LRRTM4: variants seen among roughly 807,000 people sequenced by gnomAD.
LRRTM4 encodes the protein leucine-rich repeat transmembrane neuronal protein 4.
LRRTM4 carries 25 observed loss-of-function variants against 47.6 expected under a neutral mutation model. That is an observed-to-expected ratio of 0.53 (90% CI 0.38 to 0.73). The LOEUF (loss-of-function observed/expected upper bound fraction) is 0.73, where lower values mean the gene tolerates loss of function less well. Among genes scored for constraint, LRRTM4 ranks in the 30% least tolerant of loss-of-function variants. The pLI is 0.00. For missense variants in LRRTM4, 638 were observed against 713.4 expected (o/e 0.89, Z 1.20); for synonymous variants, 311 against 269.5 (o/e 1.15, Z -1.51).
At chr2:77,460,584 G>T (rs1298551975) in intron 3 of LRRTM4, among the ~76,000 whole-genome samples, 5 of 152,040 alleles carry the variant, frequency 3.3e-5, no homozygotes, top group Non-Finnish European at 7.4e-5. Flanking sequence ...TGATCTATAT[G>T]GTTCATTGAC....
chr2:77,107,795 G>C (rs190695080), intron 3 of LRRTM4, among the ~76,000 whole-genome samples: 6 of 123,418 alleles, frequency 4.9e-5, no homozygotes, highest in South Asian at 2.5e-4. Flanking sequence ...TCCAGTCTGG[G>C]CAACAAGAGT....
intron 3 of LRRTM4, among the ~76,000 whole-genome samples, chr2:77,356,824 T>C (rs1209684581): frequency 6.6e-6 from 1 of 152,176 alleles, no homozygotes; most frequent in Non-Finnish European, 1.5e-5. Context: ...GTGTCGGTTT[T>C]CCTATATGCA....
intron 3 of LRRTM4, among the ~76,000 whole-genome samples, chr2:76,775,323 T>G (rs760610392): frequency 1.3e-5 from 2 of 152,146 alleles, no homozygotes; most frequent in Non-Finnish European, 2.9e-5. Context: ...TAGTACCATG[T>G]GTAATGAGTC....
At chr2:76,974,213 C>CATACAT (rs1676333833) in intron 3 of LRRTM4, among the ~76,000 whole-genome samples, 1 of 126,436 alleles carries the variant, frequency 7.9e-6, no homozygotes, top group Non-Finnish European at 1.6e-5. Context: ...TATATATACA[C>CATACAT]ATATATATAC....
intron 3 of LRRTM4, among the ~76,000 whole-genome samples, chr2:77,317,156 AT>A (rs1677642361): frequency 2.0e-5 from 3 of 152,196 alleles, no homozygotes. Flanking sequence ...AAAAAGTTAA[AT>A]AGCTTATATA....
chr2:77,349,338 A>G (rs1341591792), intron 3 of LRRTM4, among the ~76,000 whole-genome samples: 1 of 152,056 alleles, frequency 6.6e-6, no homozygotes, highest in African/African-American at 2.4e-5. Context: ...CAACAATAAA[A>G]AAAAAACCTA....
chr2:76,772,458 T>A (rs79247333), intron 3 of LRRTM4, among the ~76,000 whole-genome samples: 2,050 of 152,276 alleles, frequency 0.013, 53 homozygotes, highest in African/African-American at 0.046. Context: ...AAGTTGGTAG[T>A]CTAGTACTAA....
chr2:77,359,609 A>T (rs545895214), intron 3 of LRRTM4, among the ~76,000 whole-genome samples: 1 of 152,340 alleles, frequency 6.6e-6, no homozygotes, highest in South Asian at 2.1e-4. Flanking sequence ...AAGGTTTTTC[A>T]GTCCTTCTGC....
intron 3 of LRRTM4, among the ~76,000 whole-genome samples, chr2:77,232,601 T>C (rs1435567913): frequency 6.6e-6 from 1 of 152,194 alleles, no homozygotes; most frequent in Non-Finnish European, 1.5e-5. Context: ...ACTTCTTTGC[T>C]CTGGTTATGA....
chr2:77,444,999 TAGAA>T (rs1675996000), intron 3 of LRRTM4, among the ~76,000 whole-genome samples: 1 of 144,642 alleles, frequency 6.9e-6, no homozygotes, highest in Non-Finnish European at 1.5e-5. Flanking sequence ...AACACTAAAT[TAGAA>T]AGCATAAATT....
At chr2:77,200,961 GA>G (rs1342444914) in intron 3 of LRRTM4, among the ~76,000 whole-genome samples, 1 of 152,084 alleles carries the variant, frequency 6.6e-6, no homozygotes, top group Non-Finnish European at 1.5e-5. Context: ...TGTGTGCCTA[GA>G]ATAGAAAACC....
At chr2:76,944,184 A>G (rs577540671) in intron 3 of LRRTM4, among the ~76,000 whole-genome samples, 80 of 152,046 alleles carry the variant, frequency 5.3e-4, no homozygotes, top group Non-Finnish European at 3.2e-4. Flanking sequence ...TGTTTTCTGC[A>G]TGTTGTTTCT....
At chr2:77,304,042 C>T (rs1198939766) in intron 3 of LRRTM4, among the ~76,000 whole-genome samples, 1 of 152,096 alleles carries the variant, frequency 6.6e-6, no homozygotes, top group African/African-American at 2.4e-5. Flanking sequence ...TACTGGTTTT[C>T]ATAATGGCTT....
intron 3 of LRRTM4, among the ~76,000 whole-genome samples, chr2:77,333,839 A>G (rs1404889536): frequency 6.6e-6 from 1 of 152,136 alleles, no homozygotes; most frequent in African/African-American, 2.4e-5. Flanking sequence ...AACTTGCACC[A>G]TGCACCTGGA....
chr2:76,789,848 G>C (rs1335693530), intron 3 of LRRTM4, among the ~76,000 whole-genome samples: 1 of 152,246 alleles, frequency 6.6e-6, no homozygotes, highest in Middle Eastern at 3.4e-3. Flanking sequence ...AGATAACTGA[G>C]TCTTTTTTAC....
chr2:76,853,940 T>G (rs576517926), intron 3 of LRRTM4, among the ~76,000 whole-genome samples: 3 of 152,304 alleles, frequency 2.0e-5, no homozygotes, highest in African/African-American at 7.2e-5. Context: ...TTGTTTAAAA[T>G]TCATATGCCT....
rs540960764 is a variant in LRRTM4 at position 76,885,494 on chromosome 2, G to C, written c.1552-136578C>G. ...TTTTTTTTTTTTGAGACGAAGTCTC[G>C]CTCTGTCGCCCAGGCTGGAGTGCAG... On this transcript the variant is annotated intron_variant, in intron 3 of 3. Coordinates refer to ENST00000409884, the MANE Select transcript of LRRTM4 (RefSeq NM_001134745.3). Among the ~76,000 whole-genome samples the C allele has an allele frequency of 4.4e-5, 6 of 135,514 alleles. No individual in the cohort carries two copies. In the Admixed American group the frequency reaches 5.1e-4, roughly 12 times the overall value. 88.9% of individuals were successfully genotyped at this position (135,514 alleles called of 152,430 possible).
intron 3 of LRRTM4, among the ~76,000 whole-genome samples, chr2:76,872,314 C>A (rs924161711): frequency 3.9e-5 from 6 of 151,936 alleles, no homozygotes; most frequent in African/African-American, 1.4e-4. Flanking sequence ...CCAGTAAGAA[C>A]AATAATCAAA....
chr2:76,905,752 G>A (rs976567531), intron 3 of LRRTM4, among the ~76,000 whole-genome samples: 1 of 151,594 alleles, frequency 6.6e-6, no homozygotes, highest in Non-Finnish European at 1.5e-5. Flanking sequence ...ATCAGTGATG[G>A]AAGATGAAAT....
Sources: gnomAD v4.1 joint callset for allele counts (sites outside exome capture counted in the v4.1 genomes callset) on GRCh38, gnomAD v4.1.1 for gene constraint, MANE v1.5 for transcripts, NCBI Gene and HGNC (gene_info 2026-07-23, HGNC 2026-07-21) for gene names.